Variants in ZNF92 observed in about 807,000 individuals in gnomAD.
ZNF92 encodes zinc finger protein 92.
Under a neutral mutation model 12.4 loss-of-function variants are expected in ZNF92, and 11 were observed. The ratio of observed to expected loss-of-function variants is 0.89; its 90% CI spans 0.56 to 1.47. The LOEUF (loss-of-function observed/expected upper bound fraction) is 1.47, where lower values mean the gene tolerates loss of function less well. Ranked by LOEUF, ZNF92 falls within the 40% of genes most tolerant of loss-of-function variation. The pLI is 0.00. For synonymous variants in ZNF92, 206 were observed against 228.6 expected (o/e 0.90, Z 0.89); for missense variants, 622 against 681.0 (o/e 0.91, Z 0.96).
intron 2 of ZNF92, 128 bp from the exon 3 acceptor site, chr7:65,388,678 G>T (rs774687287): frequency 2.9e-6 from 2 of 689,088 alleles, no homozygotes; most frequent in Non-Finnish European, 4.3e-6. Context: ...TTAGATATTT[G>T]TCATAAATTA....
At position 65,399,556 on chromosome 7, in the gene ZNF92, A is replaced by G; in HGVS notation, c.1442A>G (p.Tyr481Cys). The change falls in exon 4 of 4, where the codon TAC (tyrosine) becomes TGC (cysteine). Residue 481 changes from tyrosine (Y) to cysteine (C), a missense_variant. Tyr to Cys is a radical substitution (Grantham distance 194). Coordinates refer to ENST00000328747, the MANE Select transcript of ZNF92 (RefSeq NM_152626.4). Reference sequence around the variant, plus strand: ...ATAATTCATACTAGAGAAAAACCCTACAAATGTGAAGAATGTGGCAAAGCC... The same window carrying G: ...ATAATTCATACTAGAGAAAAACCCTGCAAATGTGAAGAATGTGGCAAAGCC... ...HKIIHTREKPYKCEECGKAFN... is the reference protein window; with the variant it reads ...HKIIHTREKPCKCEECGKAFN... 6.2e-7 allele frequency: 1 copy of G among 1,613,750 alleles called. No individual in the cohort carries two copies. The highest frequency in any genetic ancestry group is 8.5e-7 in the Non-Finnish European group (1 of 1,179,802).
intron 1 of ZNF92, among the ~76,000 whole-genome samples, chr7:65,377,376 TC>T (rs1793272002): frequency 6.6e-6 from 1 of 151,910 alleles, no homozygotes; most frequent in Non-Finnish European, 1.5e-5. Context: ...ATAGAAGAAG[TC>T]TTTATACTGA....
At position 65,389,721 on chromosome 7, in the gene ZNF92, T is replaced by C. The variant is rs572369197; in HGVS notation, c.226+820T>C. On this transcript the variant is annotated intron_variant, in intron 3 of 3. Coordinates refer to ENST00000328747, the MANE Select transcript of ZNF92 (RefSeq NM_152626.4). Reference sequence around the variant, plus strand: ...TAGTAGAGATGGGGTTTCTCCACGTTGGCCAGGATGGTCTTGATCTCTTGA... The same window carrying C: ...TAGTAGAGATGGGGTTTCTCCACGTCGGCCAGGATGGTCTTGATCTCTTGA... 1.3e-3 allele frequency among the ~76,000 whole-genome samples: 201 copies of C among 152,040 alleles called. 1 individual carries two copies. The highest frequency in any genetic ancestry group is 4.7e-3 in the African/African-American group (193 of 41,474).
At position 65,396,425 on chromosome 7, in the gene ZNF92, CTTAAAG is replaced by C. The variant is rs540871787; in HGVS notation, c.227-1910_227-1905del. On this transcript the variant is annotated intron_variant, in intron 3 of 3. Transcript: ENST00000328747. ...GAAAAATGAAGATTATATAAAACAT[CTTAAAG>C]TTAAAACATTTTCTAGTTTGTTACT... Among the ~76,000 whole-genome samples, 212 of 152,030 alleles carry C rather than the reference CTTAAAG, an allele frequency of 1.4e-3. 1 individual carries two copies. The highest frequency in any genetic ancestry group is 4.9e-3 in the African/African-American group (203 of 41,482).
At chr7:65,388,649 AT>A (rs1349003610) in intron 2 of ZNF92, among the ~76,000 whole-genome samples, 156 bp from the exon 3 acceptor site, 2 of 151,568 alleles carry the variant, frequency 1.3e-5, no homozygotes, top group East Asian at 1.9e-4. Context: ...AAAAAAAAAA[AT>A]CTACAAATTT....
Position 65,398,650 on chromosome 7 carries a change from G to GCA in ZNF92, c.537_538dup (p.Lys180ThrfsTer10). On this transcript the variant is annotated frameshift_variant, in exon 4 of 4. Coordinates refer to ENST00000328747, the MANE Select transcript of ZNF92 (RefSeq NM_152626.4). LOFTEE classifies it low-confidence loss of function (END_TRUNC). ...AAACCTTTCAAATGTAAAAACCGTG[G>GCA]CAAATCATTTTGCATGCTTTCACAA... 1 of 1,611,976 alleles carries GCA rather than the reference G, an allele frequency of 6.2e-7. No individual in the cohort carries two copies. The highest frequency in any genetic ancestry group is 8.5e-7 in the Non-Finnish European group (1 of 1,179,342).
chr7:65,377,605 C>T (rs1189216637), intron 1 of ZNF92, among the ~76,000 whole-genome samples: 3 of 82,866 alleles, frequency 3.6e-5, no homozygotes, highest in Middle Eastern at 5.4e-3. Context: ...TGCACTGGCG[C>T]GATCTAGACT....
At chr7:65,387,040 A>G (rs1424158286) in intron 1 of ZNF92, among the ~76,000 whole-genome samples, 1 of 151,326 alleles carries the variant, frequency 6.6e-6, no homozygotes, top group Non-Finnish European at 1.5e-5. Context: ...CCTGGGTTCA[A>G]GCAATTCTCC....
chr7:65,396,192 C>G (rs997270042), intron 3 of ZNF92, among the ~76,000 whole-genome samples: 5 of 151,988 alleles, frequency 3.3e-5, no homozygotes, highest in Non-Finnish European at 7.4e-5. Flanking sequence ...GATTACATTT[C>G]TTTTTATTAA....
intron 3 of ZNF92, among the ~76,000 whole-genome samples, chr7:65,392,762 C>T (rs1248069158): frequency 6.6e-6 from 1 of 151,926 alleles, no homozygotes; most frequent in African/African-American, 2.4e-5. Context: ...TCTCCACCTC[C>T]CGACCTCAGG....
At chr7:65,382,638 C>A (rs1282569387) in intron 1 of ZNF92, among the ~76,000 whole-genome samples, 1 of 152,060 alleles carries the variant, frequency 6.6e-6, no homozygotes, top group Non-Finnish European at 1.5e-5. Context: ...AGACCTGAAA[C>A]TGATTCAGAG....
At chr7:65,379,026 T>G (rs1793331232) in intron 1 of ZNF92, among the ~76,000 whole-genome samples, 1 of 151,904 alleles carries the variant, frequency 6.6e-6, no homozygotes, top group African/African-American at 2.4e-5. Context: ...ATTTGACTTT[T>G]CCCGGGTTGT....
Position 65,388,858 on chromosome 7 carries a change from G to C in ZNF92, c.183G>C (p.Glu61Asp), listed in dbSNP as rs773228344. ...TCACCTGGCTGGAGCAAGGAAAAGAGCCCTGGAATCTGAAGAGACATGAGA... is the reference window on the plus strand; with the variant it reads ...TCACCTGGCTGGAGCAAGGAAAAGACCCCTGGAATCTGAAGAGACATGAGA... ...DLITWLEQGK[E>D]PWNLKRHEMV... Residue 61 changes from glutamate (E) to aspartate (D), a missense_variant, in exon 3 of 4, where the codon GAG (glutamate) becomes GAC (aspartate). By Grantham distance (45) the Glu-to-Asp change is conservative (BLOSUM62 2). Coordinates refer to ENST00000328747, the MANE Select transcript of ZNF92 (RefSeq NM_152626.4). 1 of 1,583,494 alleles carries C rather than the reference G, an allele frequency of 6.3e-7. No homozygotes were observed. Among genetic ancestry groups the C allele is most frequent in the Non-Finnish European group, 8.6e-7 (1 of 1,163,074 alleles).
Position 65,388,898 on chromosome 7 carries a change from C to T in ZNF92, c.223C>T (p.Pro75Ser), listed in dbSNP as rs1194835973. The change falls in exon 3 of 4, where the codon CCA becomes TCA. Residue 75 changes from proline (P) to serine (S), a missense_variant. Transcript: ENST00000328747. ...LKRHEMVDKT[P>S]VMCSHFAQDV... is the part of the protein sequence containing the mutation. Reference sequence around the variant, plus strand: ...GAGACATGAGATGGTAGACAAAACCCCAGGTAGGTGACAGTTAATACAACA... The same window carrying T: ...GAGACATGAGATGGTAGACAAAACCTCAGGTAGGTGACAGTTAATACAACA... 1.3e-6 allele frequency: 2 copies of T among 1,575,818 alleles called. No individual in the cohort carries two copies. The highest frequency in any genetic ancestry group is 1.7e-5 in the Admixed American group (1 of 58,364).
intron 2 of ZNF92, 71 bp from the exon 3 acceptor site, chr7:65,388,735 C>G (rs1331170695): frequency 9.5e-6 from 12 of 1,266,022 alleles, no homozygotes; most frequent in Non-Finnish European, 1.3e-5. Context: ...ATCCTCTTTA[C>G]TGAGCATATT....
At chr7:65,377,553 A>AT (rs1006858199) in intron 1 of ZNF92, among the ~76,000 whole-genome samples, 5 of 151,600 alleles carry the variant, frequency 3.3e-5, no homozygotes, top group Admixed American at 1.3e-4. Context: ...TTGTTTATTT[A>AT]TTTTTTTTGA....
rs1230665093 is a variant in ZNF92 at position 65,373,877 on chromosome 7, C to G, written c.-121C>G. On this transcript the variant is annotated 5_prime_UTR_variant, in exon 1 of 4. Coordinates refer to ENST00000328747, the MANE Select transcript of ZNF92 (RefSeq NM_152626.4). ...TTTGTCTCTCGCTGCAGCCGGCGCT[C>G]CACGTCTAGTCTTCACTGCTCTGCG... is the stretch of plus-strand genomic sequence containing the variant. 2.1e-6 allele frequency: 3 copies of G among 1,408,472 alleles called. No individual in the cohort carries two copies. In the African/African-American group the frequency reaches 4.2e-5, roughly 20 times the overall value. The allele number at this position is 1,408,472 out of a possible 1,614,324, so 87.2% of individuals were successfully genotyped here. A position where few individuals can be genotyped will look rare whatever the true frequency, so the allele number is the denominator to read the frequency against.
rs778169754 is a variant in ZNF92 at position 65,398,526 on chromosome 7, A to G, written c.412A>G (p.Thr138Ala). ...TTATAATGGACTTAACCAGTGTTTG[A>G]CAACTACTGACAGCAAGATATTTCA... ...GGYNGLNQCL[T>A]TTDSKIFQCD... The change falls in exon 4 of 4, where the codon ACA (threonine) becomes GCA (alanine). Residue 138 changes from threonine (T) to alanine (A), a missense_variant. Transcript: ENST00000328747. 1.2e-6 allele frequency: 2 copies of G among 1,610,892 alleles called. No homozygotes were observed. Among genetic ancestry groups the G allele is most frequent in the Non-Finnish European group, 8.5e-7 (1 of 1,179,006 alleles).
intron 1 of ZNF92, among the ~76,000 whole-genome samples, chr7:65,377,659 C>A (rs534328464): frequency 4.3e-4 from 65 of 151,966 alleles, no homozygotes; most frequent in African/African-American, 1.5e-3. Context: ...CTCCGCCTCC[C>A]GGGTTCAAGT....
Sources: gnomAD v4.1 joint callset for allele counts (sites outside exome capture counted in the v4.1 genomes callset) on GRCh38, gnomAD v4.1.1 for gene constraint, MANE v1.5 for transcripts, NCBI Gene and HGNC (gene_info 2026-07-23, HGNC 2026-07-21) for gene names.